The following TRAPPC9 variants were observed in gnomAD, a reference collection of about 807,000 sequenced individuals.
TRAPPC9 encodes the protein trafficking protein particle complex subunit 9, also known as IKK2 binding protein.
Under a neutral mutation model 124.0 loss-of-function variants are expected in TRAPPC9, and 83 were observed. That is an observed-to-expected ratio of 0.67 (90% CI 0.56 to 0.80). The LOEUF (loss-of-function observed/expected upper bound fraction) is 0.80. Among genes scored for constraint, TRAPPC9 ranks in the 30% least tolerant of loss-of-function variants. The pLI, the probability that TRAPPC9 is intolerant of heterozygous loss-of-function variation, is 0.00. For synonymous variants in TRAPPC9, 638 were observed against 617.5 expected (o/e 1.03, Z -0.49); for missense variants, 1,302 against 1,508.3 (o/e 0.86, Z 2.27).
chr8:139,833,993 C>A (rs75355667), intron 21 of TRAPPC9, among the ~76,000 whole-genome samples: 3 of 152,126 alleles, frequency 2.0e-5, no homozygotes, highest in African/African-American at 7.2e-5. Flanking sequence ...GTGTGCAAAT[C>A]GCTACCCAAC....
intron 19 of TRAPPC9, among the ~76,000 whole-genome samples, chr8:139,950,816 G>A (rs1164357820): frequency 6.6e-6 from 1 of 152,222 alleles, no homozygotes; most frequent in Non-Finnish European, 1.5e-5. Flanking sequence ...CTGATGTAGT[G>A]GTTGCACACC....
At chr8:139,924,586 A>T (rs968579458) in intron 19 of TRAPPC9, among the ~76,000 whole-genome samples, 5 of 152,046 alleles carry the variant, frequency 3.3e-5, no homozygotes, top group African/African-American at 9.7e-5. Context: ...CCTGCCTTCA[A>T]CTCTTAGCCT....
At chr8:140,371,796 C>G (rs903272896) in intron 7 of TRAPPC9, among the ~76,000 whole-genome samples, 1 of 152,070 alleles carries the variant, frequency 6.6e-6, no homozygotes, top group Non-Finnish European at 1.5e-5. Context: ...CTCCACCTCC[C>G]GGGTTCAAGA....
intron 8 of TRAPPC9, among the ~76,000 whole-genome samples, chr8:140,360,459 AAATAAT>A (rs1232932293): frequency 6.6e-6 from 1 of 152,224 alleles, no homozygotes; most frequent in Non-Finnish European, 1.5e-5. Context: ...GCCTGCTTCG[AAATAAT>A]AAGCTTAGAA....
chr8:140,382,911 C>A (rs968964348), intron 7 of TRAPPC9, among the ~76,000 whole-genome samples: 12 of 152,308 alleles, frequency 7.9e-5, no homozygotes, highest in African/African-American at 2.9e-4. Flanking sequence ...GGAGGCACCC[C>A]CCAGTAGGAA....
intron 16 of TRAPPC9, among the ~76,000 whole-genome samples, chr8:140,236,999 G>A (rs996827988): frequency 5.3e-5 from 8 of 151,952 alleles, no homozygotes; most frequent in African/African-American, 1.9e-4. Flanking sequence ...TGGCCAACAT[G>A]GTGAAACCCC....
At chr8:140,064,933 A>G (rs1371224281) in intron 17 of TRAPPC9, among the ~76,000 whole-genome samples, 1 of 152,224 alleles carries the variant, frequency 6.6e-6, no homozygotes, top group Non-Finnish European at 1.5e-5. Context: ...CTACAAGTGC[A>G]GTACCTCTTC....
At chr8:139,845,276 G>A (rs1348217769) in intron 21 of TRAPPC9, among the ~76,000 whole-genome samples, 1 of 152,192 alleles carries the variant, frequency 6.6e-6, no homozygotes, top group Non-Finnish European at 1.5e-5. Flanking sequence ...GCTGCATGGG[G>A]TACAGTGGTG....
chr8:140,353,048 A>G lies in TRAPPC9; in HGVS notation c.1495+7002T>C, dbSNP rs913269041. On this transcript the variant is annotated intron_variant, in intron 9 of 22. Transcript: ENST00000438773. This position sits in a 1 kb window ranked among gnomAD's most constrained non-coding sequence, Gnocchi z 4.2. Reference sequence around the variant, plus strand: ...AAGGTAGACGCAAAAACCAAGACACAGATAGGGTTTTCGAGAAAACACCAT... The same window carrying G: ...AAGGTAGACGCAAAAACCAAGACACGGATAGGGTTTTCGAGAAAACACCAT... Among the ~76,000 whole-genome samples, 44 of 152,332 alleles carry G rather than the reference A, an allele frequency of 2.9e-4. No homozygotes were observed. The highest frequency in any genetic ancestry group is 1.0e-3 in the African/African-American group (42 of 41,574).
chr8:140,012,352 G>A (rs1285075278), intron 18 of TRAPPC9, among the ~76,000 whole-genome samples: 6 of 152,070 alleles, frequency 3.9e-5, no homozygotes, highest in African/African-American at 9.7e-5. Flanking sequence ...TCCCTATCAC[G>A]TGCCAGTCAT....
chr8:140,438,988 C>A (rs1248184748), intron 3 of TRAPPC9, 64 bp downstream of exon 3: 3 of 1,607,874 alleles, frequency 1.9e-6, no homozygotes, highest in African/African-American at 1.3e-5. Flanking sequence ...CCGCACCCAG[C>A]CTCTCATTTT....
intron 21 of TRAPPC9, chr8:139,806,195 C>T (rs1396356879): frequency 6.6e-6 from 1 of 152,272 alleles, no homozygotes; most frequent in East Asian, 1.9e-4. Context: ...TCCCGGAGAT[C>T]AAATGGTCAC....
At chr8:140,228,205 T>C (rs1203590462) in intron 16 of TRAPPC9, among the ~76,000 whole-genome samples, 1 of 152,176 alleles carries the variant, frequency 6.6e-6, no homozygotes, top group African/African-American at 2.4e-5. Context: ...AAAAATAAAC[T>C]AGAATAAAAT....
intron 17 of TRAPPC9, among the ~76,000 whole-genome samples, chr8:140,092,400 TTGGCCAGGC>T (rs1225962549): frequency 6.6e-6 from 1 of 152,102 alleles, no homozygotes; most frequent in Admixed American, 6.6e-5. Context: ...TTTCACCATG[TTGGCCAGGC>T]TGGTCTTGAA....
chr8:140,113,313 C>A (rs2060817004), intron 17 of TRAPPC9, among the ~76,000 whole-genome samples: 2 of 152,252 alleles, frequency 1.3e-5, no homozygotes, highest in South Asian at 4.1e-4. Context: ...CGCTCTCAAA[C>A]TCATAGCGGC....
At chr8:140,271,589 G>C (rs1046249241) in intron 15 of TRAPPC9, among the ~76,000 whole-genome samples, 4 of 152,154 alleles carry the variant, frequency 2.6e-5, no homozygotes, top group African/African-American at 9.7e-5. Context: ...GGAAAAAAGG[G>C]CAAAGTCCTC....
chr8:139,826,897 T>C (rs1006086500), intron 21 of TRAPPC9, among the ~76,000 whole-genome samples: 1 of 151,960 alleles, frequency 6.6e-6, no homozygotes, highest in Admixed American at 6.5e-5. Context: ...AGACACACCA[T>C]GGGGAGGGAG....
chr8:140,449,869 ACTGTT>A (rs1325664592), intron 2 of TRAPPC9, among the ~76,000 whole-genome samples: 1 of 152,242 alleles, frequency 6.6e-6, no homozygotes, highest in African/African-American at 2.4e-5. Context: ...ACTGAATAAA[ACTGTT>A]CAAACTGTGC....
intron 21 of TRAPPC9, among the ~76,000 whole-genome samples, chr8:139,755,826 G>T (rs1378438931): frequency 2.2e-4 from 30 of 136,196 alleles, no homozygotes; most frequent in African/African-American, 8.2e-4. Flanking sequence ...AAGGACAGCA[G>T]GTCGCAGGAG....
Sources: gnomAD v4.1 joint callset for allele counts (sites outside exome capture counted in the v4.1 genomes callset) on GRCh38, gnomAD v4.1.1 for gene constraint, Gnocchi (gnomAD v3.1) non-coding constraint, MANE v1.5 for transcripts, NCBI Gene and HGNC (gene_info 2026-07-23, HGNC 2026-07-21) for gene names.